Variants in PTPRD observed in about 807,000 individuals in gnomAD.
PTPRD encodes receptor-type tyrosine-protein phosphatase delta.
PTPRD carries 34 observed loss-of-function variants against 214.5 expected under a neutral mutation model. The ratio of observed to expected loss-of-function variants is 0.16; its 90% CI spans 0.12 to 0.21. PTPRD has a LOEUF of 0.21. PTPRD is among the 10% of genes least tolerant of loss of function. The pLI is 1.00. For missense variants in PTPRD, 2,545 were observed against 2,398.7 expected, an observed-to-expected ratio of 1.06 and a Z score of -1.27; for synonymous variants, 1,128 against 845.7, an observed-to-expected ratio of 1.33 and a Z score of -5.79.
chr9:10,371,972 T>C (rs1366922068), intron 2 of PTPRD, among the ~76,000 whole-genome samples: 1 of 152,070 alleles, frequency 6.6e-6, no homozygotes, highest in Non-Finnish European at 1.5e-5. Context: ...AGTTGAAAGA[T>C]GTGATGCTAA....
chr9:8,858,990 G>C (rs538086611), intron 11 of PTPRD, among the ~76,000 whole-genome samples: 74 of 152,276 alleles, frequency 4.9e-4, no homozygotes, highest in African/African-American at 1.7e-3. Flanking sequence ...GCGTCCCAGC[G>C]CAAAGGAGGA....
chr9:9,457,139 G>C lies in PTPRD; in HGVS notation c.-236-59657C>G, dbSNP rs138500636. Among the ~76,000 whole-genome samples, 30 of 151,982 alleles carry C rather than the reference G, an allele frequency of 2.0e-4. No individual in the cohort carries two copies. The East Asian group carries it at 5.5e-3, about 28-fold the overall frequency. On this transcript the variant is annotated intron_variant, in intron 8 of 45. Coordinates refer to ENST00000381196, the MANE Select transcript of PTPRD (RefSeq NM_002839.4). The stretch of plus-strand genomic sequence containing the variant: ...GTGAAGTACTAGGTGAAGTACAAGG[G>C]AGCAAAGGAAGACAAAAGAGGAAAC...
chr9:9,148,640 C>A (rs1183385585), intron 10 of PTPRD, among the ~76,000 whole-genome samples: 1 of 152,048 alleles, frequency 6.6e-6, no homozygotes, highest in African/African-American at 2.4e-5. Flanking sequence ...AAAAACTAAT[C>A]ATTTAAAAAT....
intron 10 of PTPRD, among the ~76,000 whole-genome samples, chr9:9,174,744 G>A (rs748618646): frequency 6.6e-6 from 1 of 152,068 alleles, no homozygotes; most frequent in Non-Finnish European, 1.5e-5. Flanking sequence ...AAAAATTTAG[G>A]ATCAGATTTA....
chr9:10,313,397 T>A (rs1027488208), intron 3 of PTPRD, among the ~76,000 whole-genome samples: 2 of 148,356 alleles, frequency 1.3e-5, no homozygotes, highest in Non-Finnish European at 3.0e-5. Flanking sequence ...AGGTACAGAT[T>A]ACACACACAC....
chr9:8,478,112 C>T lies in PTPRD; in HGVS notation c.3413+6007G>A, dbSNP rs571676154. Among the ~76,000 whole-genome samples the T allele has an allele frequency of 2.8e-4, 43 of 152,292 alleles. 1 individual carries two copies. Among genetic ancestry groups the T allele is most frequent in the Admixed American group, 2.5e-3 (39 of 15,306 alleles). Reference sequence around the variant, plus strand: ...ATGATCTTGGCCAGGACACTTAGTACCATTGGTCCTCATTTTACTCATATG... The same window carrying T: ...ATGATCTTGGCCAGGACACTTAGTATCATTGGTCCTCATTTTACTCATATG... On this transcript the variant is annotated intron_variant, in intron 30 of 45. Coordinates refer to ENST00000381196, the MANE Select transcript of PTPRD (RefSeq NM_002839.4).
intron 9 of PTPRD, among the ~76,000 whole-genome samples, chr9:9,340,080 C>A (rs181094830): frequency 9.6e-4 from 146 of 152,048 alleles, no homozygotes; most frequent in Middle Eastern, 3.4e-3. Context: ...AAATGGCACT[C>A]TAGGAAAGAG....
intron 23 of PTPRD, among the ~76,000 whole-genome samples, chr9:8,502,848 G>GTGTATATA (rs1554658829): frequency 8.7e-4 from 128 of 147,156 alleles, no homozygotes; most frequent in Non-Finnish European, 1.5e-3. Context: ...ATGTGTGTGT[G>GTGTATATA]TATATATATA....
chr9:8,364,900 G>C (rs769160853), intron 39 of PTPRD, among the ~76,000 whole-genome samples: 1 of 151,988 alleles, frequency 6.6e-6, no homozygotes, highest in Non-Finnish European at 1.5e-5. Flanking sequence ...CAATCATCTT[G>C]GTGTCAAACA....
intron 11 of PTPRD, among the ~76,000 whole-genome samples, chr9:8,868,594 C>G (rs1348385747): frequency 6.6e-6 from 1 of 152,078 alleles, no homozygotes; most frequent in Non-Finnish European, 1.5e-5. Flanking sequence ...GAGCACAATT[C>G]GAAAATCACT....
chr9:9,612,416 G>C (rs2094563131), intron 7 of PTPRD, among the ~76,000 whole-genome samples: 1 of 152,160 alleles, frequency 6.6e-6, no homozygotes, highest in Non-Finnish European at 1.5e-5. Flanking sequence ...AGATGTGTCT[G>C]TCTGCAACTG....
intron 35 of PTPRD, among the ~76,000 whole-genome samples, chr9:8,409,989 T>C (rs1283128873): frequency 2.0e-5 from 3 of 152,198 alleles, no homozygotes; most frequent in Admixed American, 6.5e-5. Context: ...TGGTTCTTAG[T>C]GTGGTTGGCT....
At chr9:8,901,525 T>C (rs995701805) in intron 11 of PTPRD, among the ~76,000 whole-genome samples, 10 of 152,168 alleles carry the variant, frequency 6.6e-5, no homozygotes, top group African/African-American at 1.7e-4. Context: ...ATTTCACAGA[T>C]GAAAAACAAA....
chr9:9,536,724 C>A (rs1368870808), intron 8 of PTPRD, among the ~76,000 whole-genome samples: 1 of 152,012 alleles, frequency 6.6e-6, no homozygotes, highest in African/African-American at 2.4e-5. Flanking sequence ...TAACAAAGCA[C>A]TATCGCTTTT....
chr9:8,938,721 A>G (rs367700275), intron 11 of PTPRD, among the ~76,000 whole-genome samples: 3 of 152,244 alleles, frequency 2.0e-5, no homozygotes, highest in East Asian at 3.9e-4. Context: ...AGAAAAAAAA[A>G]AAGTCAGTAC....
At chr9:9,903,650 A>T (rs1299063449) in intron 5 of PTPRD, among the ~76,000 whole-genome samples, 8 of 152,106 alleles carry the variant, frequency 5.3e-5, no homozygotes, top group African/African-American at 1.9e-4. Context: ...TAATTAAACA[A>T]ATCAATATGA....
chr9:10,436,702 A>T (rs1332044251), intron 2 of PTPRD, among the ~76,000 whole-genome samples: 11 of 151,770 alleles, frequency 7.2e-5, no homozygotes, highest in Non-Finnish European at 1.5e-5. Flanking sequence ...AATTATTTAA[A>T]CATTTATTCT....
intron 31 of PTPRD, among the ~76,000 whole-genome samples, chr9:8,467,686 A>G (rs1482232605): frequency 6.6e-6 from 1 of 151,742 alleles, no homozygotes; most frequent in Non-Finnish European, 1.5e-5. Flanking sequence ...AATTGTTCTA[A>G]CTCTGTGTAT....
intron 11 of PTPRD, among the ~76,000 whole-genome samples, chr9:8,799,851 C>T (rs114048957): frequency 0.022 from 3,302 of 151,562 alleles, 55 homozygotes; most frequent in East Asian, 0.057. Flanking sequence ...CCCCCACACA[C>T]TTTTTTTTTC....
Sources: allele counts gnomAD v4.1 joint callset (sites outside exome capture counted in the v4.1 genomes callset), GRCh38; gene constraint gnomAD v4.1.1; transcripts MANE v1.5; gene names NCBI Gene and HGNC (gene_info 2026-07-23, HGNC 2026-07-21).